The following NET1 variants were observed in gnomAD, a reference collection of about 807,000 sequenced individuals.
NET1 encodes neuroepithelial cell-transforming gene 1 protein.
Under a neutral mutation model 61.1 loss-of-function variants are expected in NET1, and 42 were observed. The observed-to-expected ratio is 0.69, with a 90% CI of 0.54 to 0.89. The LOEUF is 0.89. Ranked by LOEUF, NET1 falls within the 40% of genes least tolerant of loss-of-function variation. The probability of loss-of-function intolerance (pLI) is 0.00; values close to 1 mark genes in which losing one functional copy is unlikely to be tolerated. For missense variants in NET1, 654 were observed against 747.3 expected (o/e 0.88, Z 1.46); for synonymous variants, 254 against 281.8 (o/e 0.90, Z 0.99).
Position 5,431,804 on chromosome 10 carries a change from A to C in NET1, c.255+2575A>C, listed in dbSNP as rs10904500. Among the ~76,000 whole-genome samples, 37,593 of 151,960 alleles carry C rather than the reference A, an allele frequency of 0.25. 4,924 individuals carry two copies. Among genetic ancestry groups the C allele is most frequent in the Non-Finnish European group, 0.29 (19,399 of 67,964 alleles). On this transcript the variant is annotated intron_variant, in intron 3 of 11. Transcript: ENST00000355029. This position sits in a 1 kb window ranked among gnomAD's most constrained non-coding sequence, Gnocchi z 4.9. ...TTTGTAGAAAAGACAGGGTCTCACTATGTTGGCCAGGAAGGCCTCAAATTC... is the reference window on the plus strand; with the variant it reads ...TTTGTAGAAAAGACAGGGTCTCACTCTGTTGGCCAGGAAGGCCTCAAATTC...
Position 5,456,525 on chromosome 10 carries a change from C to G in NET1, c.1385-63C>G. 1.4e-6 allele frequency: 2 copies of G among 1,454,920 alleles called. No homozygotes were observed. Among genetic ancestry groups the G allele is most frequent in the Admixed American group, 2.3e-5 (1 of 43,130 alleles). The allele number at this position is 1,454,920 out of a possible 1,614,324, so 90.1% of individuals were successfully genotyped here. ...CAGTCACGTTAAGATTGTATGACCA[C>G]TTTGTCTAGAATAAACCTTTTTTTA... On this transcript the variant is annotated intron_variant, in intron 11 of 11. Transcript: ENST00000355029. The surrounding 1 kb of genome is among the most constrained non-coding windows in gnomAD (Gnocchi z 7.0).
chr10:5,416,436 G>A lies in NET1; in HGVS notation c.128+3616G>A, dbSNP rs929570944. ...CAGCTTAATCGATTTTTACAAAGGA[G>A]TCCACAGGGATTCTGATAGAGATTG... On this transcript the variant is annotated intron_variant, in intron 1 of 11. Coordinates refer to ENST00000355029, the MANE Select transcript of NET1 (RefSeq NM_001047160.3). The surrounding 1 kb of genome is among the most constrained non-coding windows in gnomAD (Gnocchi z 6.1). Among the ~76,000 whole-genome samples the A allele has an allele frequency of 6.6e-6, 1 of 152,170 alleles. No individual in the cohort carries two copies. Among genetic ancestry groups the A allele is most frequent in the Non-Finnish European group, 1.5e-5 (1 of 68,038 alleles).
Position 5,456,012 on chromosome 10 carries a change from A to C in NET1, c.1198-75A>C. Reference sequence around the variant, plus strand: ...AAATCTGATGAAATTAATAATGTCGAGTTATTTTAGCAATATATTTCAGTC... The same window carrying C: ...AAATCTGATGAAATTAATAATGTCGCGTTATTTTAGCAATATATTTCAGTC... On this transcript the variant is annotated intron_variant, in intron 10 of 11. Coordinates refer to ENST00000355029, the MANE Select transcript of NET1 (RefSeq NM_001047160.3). This position sits in a 1 kb window ranked among gnomAD's most constrained non-coding sequence, Gnocchi z 7.0. The C allele has an allele frequency of 7.5e-7, 1 of 1,329,654 alleles. No individual in the cohort carries two copies. The highest frequency in any genetic ancestry group is 1.0e-6 in the Non-Finnish European group (1 of 970,114). The allele number at this position is 1,329,654 out of a possible 1,614,324, so 82.4% of individuals were successfully genotyped here.
chr10:5,445,391 CA>C (rs1278504611), intron 3 of NET1, among the ~76,000 whole-genome samples: 35 of 152,312 alleles, frequency 2.3e-4, no homozygotes, highest in African/African-American at 7.5e-4. Context: ...TTTGAATTTG[CA>C]AAAGCTATCT....
At position 5,431,132 on chromosome 10, in the gene NET1, A is replaced by C. The variant is rs1030675213; in HGVS notation, c.255+1903A>C. ...GTGATCCGCCTGCCTCGGCCTCCCA[A>C]AGTGCTGGGATTACAGGCGTGAGCC... is the stretch of plus-strand genomic sequence containing the variant. On this transcript the variant is annotated intron_variant, in intron 3 of 11. Coordinates refer to ENST00000355029, the MANE Select transcript of NET1 (RefSeq NM_001047160.3). The surrounding 1 kb of genome is among the most constrained non-coding windows in gnomAD (Gnocchi z 4.9). Among the ~76,000 whole-genome samples, 3 of 152,020 alleles carry C rather than the reference A, an allele frequency of 2.0e-5. No homozygotes were observed. Among genetic ancestry groups the C allele is most frequent in the African/African-American group, 7.3e-5 (3 of 41,368 alleles).
Position 5,456,356 on chromosome 10 carries a change from G to GA in NET1, c.1384+84dup. On this transcript the variant is annotated intron_variant, in intron 11 of 11. Coordinates refer to ENST00000355029, the MANE Select transcript of NET1 (RefSeq NM_001047160.3). This position sits in a 1 kb window ranked among gnomAD's most constrained non-coding sequence, Gnocchi z 7.0. ...TAGTTTTGCCTTTAAGAATTCTAGAGATGAAATGGCTCCATTGTCCTATAC... is the reference window on the plus strand; with the variant it reads ...TAGTTTTGCCTTTAAGAATTCTAGAGAATGAAATGGCTCCATTGTCCTATAC... The GA allele has an allele frequency of 7.6e-7, 1 of 1,311,278 alleles. No homozygotes were observed. The highest frequency in any genetic ancestry group is 1.0e-6 in the Non-Finnish European group (1 of 974,086). 81.2% of individuals were successfully genotyped at this position (1,311,278 alleles called of 1,614,324 possible).
intron 3 of NET1, among the ~76,000 whole-genome samples, chr10:5,448,049 A>G (rs1041279204): frequency 6.6e-6 from 1 of 152,258 alleles, no homozygotes; most frequent in Non-Finnish European, 1.5e-5. Context: ...AATTCATCCC[A>G]TGTGATCATA....
At chr10:5,434,981 T>C (rs1376468145) in intron 3 of NET1, among the ~76,000 whole-genome samples, 3 of 152,206 alleles carry the variant, frequency 2.0e-5, no homozygotes, top group Admixed American at 6.5e-5. Flanking sequence ...TTCAGAGCTA[T>C]AGAAAAGCCT....
In NET1 at chr10:5,452,563, A is replaced by G. The variant is rs118055215; in HGVS notation, c.531+38A>G. 7,883 of 1,568,306 alleles carry G rather than the reference A, an allele frequency of 5.0e-3. 246 individuals are homozygous for G. The East Asian group carries it at 0.083, about 17-fold the overall frequency. ...TCAGTGTACATGTTTTCCCAAAAGA[A>G]CAGCAAATTGATGCCGATGGCAAAA... On this transcript the variant is annotated intron_variant, in intron 5 of 11. Transcript: ENST00000355029. The surrounding 1 kb of genome is among the most constrained non-coding windows in gnomAD (Gnocchi z 4.0).
rs7090012 is a variant in NET1 at position 5,446,617 on chromosome 10, C to G, written c.256-5213C>G. The G allele has an allele frequency of 0.28, 346,222 of 1,252,156 alleles. 48,824 individuals are homozygous for G. The highest frequency in any genetic ancestry group is 0.3 in the Middle Eastern group (937 of 3,172). The allele number at this position is 1,252,156 out of a possible 1,614,324, so 77.6% of individuals were successfully genotyped here. On this transcript the variant is annotated intron_variant, in intron 3 of 11. Coordinates refer to ENST00000355029, the MANE Select transcript of NET1 (RefSeq NM_001047160.3). The surrounding 1 kb of genome is among the most constrained non-coding windows in gnomAD (Gnocchi z 5.0). ...TGCTGCCTGCGGCTCTCAGAAGCCT[C>G]TGCTCCACCGCGGCGAGAGGCATGG... is the stretch of plus-strand genomic sequence containing the variant.
chr10:5,442,503 A>G (rs1353235426), intron 3 of NET1, among the ~76,000 whole-genome samples: 1 of 152,202 alleles, frequency 6.6e-6, no homozygotes, highest in South Asian at 2.1e-4. Flanking sequence ...TTACCTTTAC[A>G]TAACTCAGTT....
At chr10:5,413,546 G>A (rs761684095) in intron 1 of NET1, among the ~76,000 whole-genome samples, 16 of 152,182 alleles carry the variant, frequency 1.1e-4, no homozygotes, top group Non-Finnish European at 1.8e-4. Flanking sequence ...AACCAAGTGA[G>A]AACAGTATCC....
chr10:5,453,377 C>G lies in NET1; in HGVS notation c.691+31C>G, dbSNP rs767998276. Reference sequence around the variant, plus strand: ...ATGTGCCACTTAATTGTCATTAAATCTAAAGAGCAGCGGTGCATGTAATTT... The same window carrying G: ...ATGTGCCACTTAATTGTCATTAAATGTAAAGAGCAGCGGTGCATGTAATTT... On this transcript the variant is annotated intron_variant, in intron 7 of 11. Transcript: ENST00000355029. This position sits in a 1 kb window ranked among gnomAD's most constrained non-coding sequence, Gnocchi z 4.9. 1 of 1,577,324 alleles carries G rather than the reference C, an allele frequency of 6.3e-7. No homozygotes were observed. Among genetic ancestry groups the G allele is most frequent in the Admixed American group, 1.7e-5 (1 of 59,968 alleles).
At chr10:5,438,066 A>G (rs1832466380) in intron 3 of NET1, among the ~76,000 whole-genome samples, 1 of 152,220 alleles carries the variant, frequency 6.6e-6, no homozygotes. Flanking sequence ...TGAAAACACA[A>G]CATGCTAAAA....
At chr10:5,438,223 T>C (rs1832468742) in intron 3 of NET1, among the ~76,000 whole-genome samples, 1 of 151,994 alleles carries the variant, frequency 6.6e-6, no homozygotes, top group Non-Finnish European at 1.5e-5. Flanking sequence ...AACCCAAAGC[T>C]GGCAAATGGA....
In NET1 at chr10:5,444,366, C is replaced by A. The variant is rs904556380; in HGVS notation, c.256-7464C>A. Among the ~76,000 whole-genome samples, 3 of 152,234 alleles carry A rather than the reference C, an allele frequency of 2.0e-5. No homozygotes were observed. Among genetic ancestry groups the A allele is most frequent in the African/African-American group, 7.2e-5 (3 of 41,458 alleles). On this transcript the variant is annotated intron_variant, in intron 3 of 11. Transcript: ENST00000355029. This position sits in a 1 kb window ranked among gnomAD's most constrained non-coding sequence, Gnocchi z 5.3. Reference sequence around the variant, plus strand: ...CCTGCAAGAAGTAGCAACTCTCCTGCAAACCTTAGGCAATTACTTTTTATA... The same window carrying A: ...CCTGCAAGAAGTAGCAACTCTCCTGAAAACCTTAGGCAATTACTTTTTATA...
Position 5,412,759 on chromosome 10 carries a change from C to T in NET1, c.67C>T (p.Leu23Phe). ...PRRRSRRASG[L>F]STEGATGPSA... is the part of the protein sequence containing the mutation. ...GAGGCGAAGCCGCCGGGCCTCTGGG[C>T]TCAGCACGGAGGGAGCGACGGGGCC... The change falls in exon 1 of 12, where the codon CTC becomes TTC. Residue 23 changes from leucine (L) to phenylalanine (F), a missense_variant. Leu to Phe is a conservative substitution (Grantham distance 22). Transcript: ENST00000355029. The surrounding 1 kb of genome is among the most constrained non-coding windows in gnomAD (Gnocchi z 6.5). 3 of 1,477,662 alleles carry T rather than the reference C, an allele frequency of 2.0e-6. No homozygotes were observed. Among genetic ancestry groups the T allele is most frequent in the Non-Finnish European group, 1.8e-6 (2 of 1,119,768 alleles). 91.5% of individuals were successfully genotyped at this position (1,477,662 alleles called of 1,614,324 possible).
chr10:5,454,868 A>G lies in NET1; in HGVS notation c.1027-80A>G. On this transcript the variant is annotated intron_variant, in intron 9 of 11. Coordinates refer to ENST00000355029, the MANE Select transcript of NET1 (RefSeq NM_001047160.3). The surrounding 1 kb of genome is among the most constrained non-coding windows in gnomAD (Gnocchi z 8.1). ...TCAAGCTTTAAAGTTCTTCCATTCC[A>G]TATGACATTTTTGCTCTGCAGGAAG... 2 of 1,342,756 alleles carry G rather than the reference A, an allele frequency of 1.5e-6. No homozygotes were observed. The highest frequency in any genetic ancestry group is 2.1e-6 in the Non-Finnish European group (2 of 950,870). 83.2% of individuals were successfully genotyped at this position (1,342,756 alleles called of 1,614,324 possible).
chr10:5,434,611 T>C (rs758283769), intron 3 of NET1, among the ~76,000 whole-genome samples: 1 of 152,076 alleles, frequency 6.6e-6, no homozygotes, highest in Non-Finnish European at 1.5e-5. Flanking sequence ...GTGGGCCTCA[T>C]AACTGTCTGG....
Sources: allele counts gnomAD v4.1 joint callset (sites outside exome capture counted in the v4.1 genomes callset), GRCh38; gene constraint gnomAD v4.1.1; non-coding constraint Gnocchi (gnomAD v3.1); transcripts MANE v1.5; gene names NCBI Gene and HGNC (gene_info 2026-07-23, HGNC 2026-07-21).